Variants in SUPT3H observed in about 807,000 individuals in gnomAD.
The protein encoded by SUPT3H is transcription initiation protein SPT3 homolog.
SUPT3H carries 44 observed loss-of-function variants against 44.3 expected under a neutral mutation model. That is an observed-to-expected ratio of 0.99 (90% CI 0.78 to 1.28). The LOEUF is 1.28. Ranked by LOEUF, SUPT3H falls within the 50% of genes most tolerant of loss-of-function variation. The pLI, the probability that SUPT3H is intolerant of heterozygous loss-of-function variation, is 0.00. For synonymous variants in SUPT3H, 124 were observed against 125.6 expected (o/e 0.99, Z 0.09); for missense variants, 380 against 387.1 (o/e 0.98, Z 0.15).
At chr6:45,271,950 G>A (rs1402716359) in intron 2 of SUPT3H, among the ~76,000 whole-genome samples, 1 of 152,142 alleles carries the variant, frequency 6.6e-6, no homozygotes, top group African/African-American at 2.4e-5. Context: ...AAGATTTGAT[G>A]GCCCCACTGG....
intron 9 of SUPT3H, among the ~76,000 whole-genome samples, chr6:44,936,462 T>G (rs2153463270): frequency 6.6e-6 from 1 of 152,270 alleles, no homozygotes; most frequent in East Asian, 1.9e-4. Flanking sequence ...AGTTACTCAT[T>G]AAGTAATTTC....
chr6:45,004,132 T>A (rs185456390), intron 5 of SUPT3H, among the ~76,000 whole-genome samples: 1 of 151,826 alleles, frequency 6.6e-6, no homozygotes, highest in Non-Finnish European at 1.5e-5. Flanking sequence ...ACCTCTGAAA[T>A]GAAATGACAA....
At chr6:45,112,427 G>A (rs1800199795) in intron 2 of SUPT3H, among the ~76,000 whole-genome samples, 1 of 152,072 alleles carries the variant, frequency 6.6e-6, no homozygotes. Context: ...GGTGGGGGGT[G>A]TTGAACATAT....
At chr6:44,854,507 T>A (rs998651791) in intron 10 of SUPT3H, among the ~76,000 whole-genome samples, 1 of 152,134 alleles carries the variant, frequency 6.6e-6, no homozygotes, top group Admixed American at 6.5e-5. Context: ...CGGGAGAGCT[T>A]AGTGGCATCA....
intron 3 of SUPT3H, among the ~76,000 whole-genome samples, chr6:45,056,337 C>T (rs1186404510): frequency 1.3e-5 from 2 of 152,084 alleles, no homozygotes; most frequent in Non-Finnish European, 2.9e-5. Flanking sequence ...TGGGTATCTA[C>T]CCAGAGGAAA....
chr6:45,257,561 T>A (rs142722523), intron 2 of SUPT3H, among the ~76,000 whole-genome samples: 2 of 152,320 alleles, frequency 1.3e-5, no homozygotes, highest in East Asian at 3.9e-4. Context: ...TGTTTCAGTC[T>A]GTTTTGTGCT....
At chr6:44,982,424 CGT>C (rs1554194365) in intron 6 of SUPT3H, among the ~76,000 whole-genome samples, 1 of 152,114 alleles carries the variant, frequency 6.6e-6, no homozygotes, top group Non-Finnish European at 1.5e-5. Context: ...AGTGTTTCAC[CGT>C]GTTAGCCAGG....
intron 2 of SUPT3H, among the ~76,000 whole-genome samples, chr6:45,251,916 A>T (rs1303700788): frequency 6.6e-6 from 1 of 152,174 alleles, no homozygotes; most frequent in Non-Finnish European, 1.5e-5. Flanking sequence ...AAGAAAGGTC[A>T]TCGATAAGAA....
At chr6:45,186,533 G>A (rs1473146109) in intron 2 of SUPT3H, among the ~76,000 whole-genome samples, 2 of 152,148 alleles carry the variant, frequency 1.3e-5, no homozygotes, top group South Asian at 2.1e-4. Context: ...TTAGAGTGGA[G>A]ATGACAGACA....
chr6:44,946,201 G>A (rs1489005088), intron 9 of SUPT3H, among the ~76,000 whole-genome samples: 1 of 152,124 alleles, frequency 6.6e-6, no homozygotes, highest in Non-Finnish European at 1.5e-5. Context: ...ACTGCTCATT[G>A]ACAATGTATC....
chr6:45,177,263 G>C (rs989862502), intron 2 of SUPT3H, among the ~76,000 whole-genome samples: 2 of 152,194 alleles, frequency 1.3e-5, no homozygotes, highest in African/African-American at 2.4e-5. Context: ...CAAGAACTTC[G>C]TGAAGAATGC....
intron 2 of SUPT3H, among the ~76,000 whole-genome samples, chr6:45,257,703 GCAAGAGAGAA>G (rs1183553966): frequency 6.6e-6 from 1 of 152,104 alleles, no homozygotes; most frequent in Non-Finnish European, 1.5e-5. Context: ...AGGTGAAAGG[GCAAGAGAGAA>G]CAAGAGGGAG....
intron 2 of SUPT3H, among the ~76,000 whole-genome samples, chr6:45,177,388 G>A (rs1476447389): frequency 2.6e-5 from 4 of 152,138 alleles, no homozygotes; most frequent in Admixed American, 1.3e-4. Context: ...AAAAAGAAAC[G>A]AGTAAAGCCT....
intron 2 of SUPT3H, among the ~76,000 whole-genome samples, chr6:45,354,506 T>G (rs1418269185): frequency 1.3e-5 from 2 of 152,010 alleles, no homozygotes. Flanking sequence ...AGGATCTCAT[T>G]ACTTCTACTG....
intron 3 of SUPT3H, among the ~76,000 whole-genome samples, chr6:45,052,579 A>G (rs1220064183): frequency 6.6e-6 from 1 of 152,218 alleles, no homozygotes; most frequent in East Asian, 1.9e-4. Context: ...TTTGACTCAG[A>G]CACTCTTATT....
chr6:44,860,326 GTCAT>G (rs1774442831), intron 10 of SUPT3H, among the ~76,000 whole-genome samples: 1 of 152,132 alleles, frequency 6.6e-6, no homozygotes, highest in Non-Finnish European at 1.5e-5. Context: ...GCTATCCTTA[GTCAT>G]TCAGACCACC....
intron 4 of SUPT3H, among the ~76,000 whole-genome samples, chr6:45,015,742 T>C (rs1784149495): frequency 6.6e-6 from 1 of 152,030 alleles, no homozygotes; most frequent in Non-Finnish European, 1.5e-5. Flanking sequence ...TACTTTTAAA[T>C]TTCTTATAGC....
chr6:45,015,419 T>C (rs970944952), intron 4 of SUPT3H, among the ~76,000 whole-genome samples: 2 of 152,112 alleles, frequency 1.3e-5, no homozygotes, highest in Non-Finnish European at 2.9e-5. Context: ...TGAATGAAGC[T>C]TGTAGGACCT....
At chr6:44,989,007 T>A (rs1472989513) in intron 6 of SUPT3H, among the ~76,000 whole-genome samples, 3 of 152,118 alleles carry the variant, frequency 2.0e-5, no homozygotes. Context: ...GCCTCAGAGA[T>A]CCCACAATTC....
Sources: gnomAD v4.1 joint callset for allele counts (sites outside exome capture counted in the v4.1 genomes callset) on GRCh38, gnomAD v4.1.1 for gene constraint, MANE v1.5 for transcripts, NCBI Gene and HGNC (gene_info 2026-07-23, HGNC 2026-07-21) for gene names.